The following NCKAP5 variants were observed in gnomAD, a reference collection of about 807,000 sequenced individuals.
NCKAP5 encodes the protein NCK associated protein 5.
In NCKAP5, 92 loss-of-function variants were observed where a neutral mutation model predicts 167.0. The observed-to-expected ratio is 0.55, with a 90% confidence interval of 0.47 to 0.66. NCKAP5 has a LOEUF of 0.66. Ranked by LOEUF, NCKAP5 falls within the 30% of genes least tolerant of loss-of-function variation. The probability of loss-of-function intolerance (pLI) is 0.00; values close to 1 mark genes in which losing one functional copy is unlikely to be tolerated. For missense variants in NCKAP5, 2,378 were observed against 2,315.0 expected (o/e 1.03, Z -0.56); for synonymous variants, 891 against 877.4 (o/e 1.02, Z -0.27).
intron 8 of NCKAP5, among the ~76,000 whole-genome samples, chr2:132,887,365 T>TCCA (rs1692329537): frequency 1.8e-3 from 246 of 133,896 alleles, no homozygotes; most frequent in Middle Eastern, 3.7e-3. Flanking sequence ...CCATCCATCT[T>TCCA]TCCATCCATC....
At chr2:132,967,461 A>C (rs2149220491) in intron 7 of NCKAP5, among the ~76,000 whole-genome samples, 2 of 152,308 alleles carry the variant, frequency 1.3e-5, no homozygotes, top group South Asian at 4.1e-4. Context: ...TGTTTGGTGA[A>C]AGAGAAAATT....
the NCKAP5 span, among the ~76,000 whole-genome samples, chr2:133,651,512 C>A: frequency 3.3e-5 from 5 of 152,002 alleles, no homozygotes; most frequent in East Asian, 1.9e-4. Context: ...AAAAAGAAAT[C>A]AAAAAATGTT....
At chr2:133,305,760 CAA>C (rs1680734388) in intron 3 of NCKAP5, among the ~76,000 whole-genome samples, 1 of 152,114 alleles carries the variant, frequency 6.6e-6, no homozygotes, top group Admixed American at 6.6e-5. Flanking sequence ...ACTATGATGA[CAA>C]ATCTTAAACC....
intron 5 of NCKAP5, among the ~76,000 whole-genome samples, chr2:133,166,164 G>A (rs1037209321): frequency 6.6e-6 from 1 of 152,102 alleles, no homozygotes; most frequent in Non-Finnish European, 1.5e-5. Flanking sequence ...ATGAAAAGGA[G>A]TCACTCATGC....
chr2:133,222,364 T>A (rs1053675137), intron 4 of NCKAP5, among the ~76,000 whole-genome samples: 1 of 135,648 alleles, frequency 7.4e-6, no homozygotes, highest in Non-Finnish European at 1.7e-5. Flanking sequence ...TGTTTTATAC[T>A]TCTGCAAAAG....
chr2:133,337,443 G>T (rs1273780875), intron 3 of NCKAP5, among the ~76,000 whole-genome samples: 1 of 152,170 alleles, frequency 6.6e-6, no homozygotes, highest in Non-Finnish European at 1.5e-5. Context: ...GACATAGAAA[G>T]AATTTCCCTC....
intron 11 of NCKAP5, among the ~76,000 whole-genome samples, chr2:132,845,684 T>A (rs969093215): frequency 6.6e-6 from 1 of 152,322 alleles, no homozygotes. Context: ...TATAGAATAT[T>A]TTGAAGTACC....
At chr2:132,943,317 CTT>C (rs1333328855) in intron 8 of NCKAP5, among the ~76,000 whole-genome samples, 1 of 152,228 alleles carries the variant, frequency 6.6e-6, no homozygotes, top group Non-Finnish European at 1.5e-5. Flanking sequence ...AAAATATCCT[CTT>C]TGATTGCATA....
At chr2:132,991,888 C>T (rs962234670) in intron 7 of NCKAP5, among the ~76,000 whole-genome samples, 12 of 152,186 alleles carry the variant, frequency 7.9e-5, no homozygotes, top group African/African-American at 2.4e-4. Context: ...AGTATCACCA[C>T]GCATACATCA....
chr2:133,205,410 A>C (rs563235594), intron 5 of NCKAP5, among the ~76,000 whole-genome samples: 1 of 152,242 alleles, frequency 6.6e-6, no homozygotes, highest in South Asian at 2.1e-4. Flanking sequence ...CTAAATTGTA[A>C]TTCTACTTCC....
intron 6 of NCKAP5, among the ~76,000 whole-genome samples, chr2:133,033,768 G>C (rs1256585651): frequency 2.0e-5 from 3 of 151,900 alleles, no homozygotes; most frequent in African/African-American, 7.3e-5. Flanking sequence ...TGGTCAAGCA[G>C]AAGAAAGAAC....
At chr2:132,732,185 C>T in intron 16 of NCKAP5, 134 bp from the exon 17 acceptor site, 3 of 841,886 alleles carry the variant, frequency 3.6e-6, no homozygotes, top group South Asian at 1.9e-5. Flanking sequence ...AGAAAAATGT[C>T]ACAAGGACAG....
chr2:133,624,366 T>A, the NCKAP5 span, among the ~76,000 whole-genome samples: 1 of 152,152 alleles, frequency 6.6e-6, no homozygotes, highest in Non-Finnish European at 1.5e-5. Context: ...CACCGAGTTC[T>A]GTTCCTCACG....
chr2:133,491,766 C>A (rs1470403675), intron 3 of NCKAP5, among the ~76,000 whole-genome samples: 18 of 152,146 alleles, frequency 1.2e-4, no homozygotes, highest in Admixed American at 1.2e-3. Flanking sequence ...ACTAAAGCCA[C>A]ATGGGCAGAG....
At chr2:133,063,077 A>T (rs2149522658) in intron 6 of NCKAP5, among the ~76,000 whole-genome samples, 1 of 152,332 alleles carries the variant, frequency 6.6e-6, no homozygotes, top group South Asian at 2.1e-4. Flanking sequence ...CTAGCTGTAC[A>T]TATTATTTCA....
chr2:132,707,196 A>C (rs570590661), intron 19 of NCKAP5, among the ~76,000 whole-genome samples: 1 of 152,256 alleles, frequency 6.6e-6, no homozygotes, highest in East Asian at 1.9e-4. Context: ...GAGAATCCAC[A>C]CTCTTGGGAG....
At chr2:133,083,644 A>G (rs1281903550) in intron 6 of NCKAP5, among the ~76,000 whole-genome samples, 1 of 152,174 alleles carries the variant, frequency 6.6e-6, no homozygotes, top group Non-Finnish European at 1.5e-5. Flanking sequence ...GCTGGTGACC[A>G]AGGCATAGAC....
In NCKAP5 at chr2:133,103,083, T is replaced by C. The variant is rs542930479; in HGVS notation, c.341+26895A>G. On this transcript the variant is annotated intron_variant, in intron 6 of 19. Transcript: ENST00000409261. ...ACTCATTTCTTTTCATTTTTCCCAG[T>C]GAGAAAGATGGATAGCTTTCCCTTA... Among the ~76,000 whole-genome samples, 4 of 152,356 alleles carry C rather than the reference T, an allele frequency of 2.6e-5. No homozygotes were observed. The East Asian group carries it at 7.7e-4, about 29-fold the overall frequency.
At chr2:133,455,430 C>T (rs1442267314) in intron 3 of NCKAP5, among the ~76,000 whole-genome samples, 1 of 151,982 alleles carries the variant, frequency 6.6e-6, no homozygotes, top group Non-Finnish European at 1.5e-5. Context: ...TCTACCTTCG[C>T]CATCTCATAT....
Sources: gnomAD v4.1 joint callset for allele counts (sites outside exome capture counted in the v4.1 genomes callset) on GRCh38, gnomAD v4.1.1 for gene constraint, MANE v1.5 for transcripts, NCBI Gene and HGNC (gene_info 2026-07-23, HGNC 2026-07-21) for gene names.